PIGK: variants seen among roughly 807,000 people sequenced by gnomAD.
The protein encoded by PIGK is phosphatidylinositol glycan anchor biosynthesis class K.
In PIGK, 42 loss-of-function variants were observed where a neutral mutation model predicts 50.6. The observed-to-expected ratio is 0.83, with a 90% CI of 0.65 to 1.07. The LOEUF (loss-of-function observed/expected upper bound fraction) is 1.07, where lower values mean the gene tolerates loss of function less well. Among genes scored for constraint, PIGK ranks in the 50% least tolerant of loss-of-function variants. PIGK has a pLI of 0.00. For missense variants in PIGK, 448 were observed against 488.7 expected (o/e 0.92, Z 0.78); for synonymous variants, 151 against 156.0 (o/e 0.97, Z 0.24).
chr1:77,150,725 C>A (rs1403897416), intron 9 of PIGK, among the ~76,000 whole-genome samples: 1 of 151,916 alleles, frequency 6.6e-6, no homozygotes, highest in East Asian at 1.9e-4. Flanking sequence ...CAAGTACATG[C>A]CGAAAAAACT....
intron 3 of PIGK, among the ~76,000 whole-genome samples, chr1:77,174,888 G>A (rs781092072): frequency 9.9e-5 from 15 of 151,316 alleles, no homozygotes; most frequent in Non-Finnish European, 2.1e-4. Context: ...CTTAAAAACT[G>A]GCAAATAAAA....
chr1:77,212,884 A>G lies in PIGK; in HGVS notation c.94-2395T>C, dbSNP rs1570267603. Among the ~76,000 whole-genome samples, 3 of 152,276 alleles carry G rather than the reference A, an allele frequency of 2.0e-5. 1 individual carries two copies. The East Asian group carries it at 5.8e-4, about 29-fold the overall frequency. ...TGGGGACTTCAACACTCCACTCTCC[A>G]TTGGACGGATCATCTGGACAGAAAA... On this transcript the variant is annotated intron_variant, in intron 1 of 10. Coordinates refer to ENST00000370812, the MANE Select transcript of PIGK (RefSeq NM_005482.3).
At chr1:77,133,332 T>C (rs2100537111) in intron 9 of PIGK, among the ~76,000 whole-genome samples, 1 of 152,282 alleles carries the variant, frequency 6.6e-6, no homozygotes, top group African/African-American at 2.4e-5. Flanking sequence ...AATATTAGAA[T>C]GTTCATTATT....
intron 10 of PIGK, among the ~76,000 whole-genome samples, chr1:77,100,489 T>C (rs1373342960): frequency 1.3e-5 from 2 of 152,194 alleles, no homozygotes; most frequent in Non-Finnish European, 2.9e-5. Context: ...AAATGCCCTA[T>C]ATAATACCTA....
At chr1:77,214,282 A>G (rs1408154107) in intron 1 of PIGK, among the ~76,000 whole-genome samples, 1 of 152,234 alleles carries the variant, frequency 6.6e-6, no homozygotes, top group Non-Finnish European at 1.5e-5. Flanking sequence ...AAAATCTTCA[A>G]CAAAATACTA....
intron 9 of PIGK, among the ~76,000 whole-genome samples, chr1:77,147,531 C>T (rs1366108937): frequency 6.6e-6 from 1 of 152,138 alleles, no homozygotes. Flanking sequence ...TTTGGTAACA[C>T]TAAAATGTGC....
intron 9 of PIGK, 56 bp downstream of exon 9, chr1:77,154,393 A>C: frequency 7.3e-7 from 1 of 1,368,448 alleles, no homozygotes; most frequent in Non-Finnish European, 1.0e-6. Context: ...TGTTTCAAAA[A>C]AATGTACAAA....
intron 10 of PIGK, among the ~76,000 whole-genome samples, chr1:77,095,477 T>A (rs1056734808): frequency 2.0e-5 from 3 of 152,122 alleles, no homozygotes; most frequent in African/African-American, 4.8e-5. Context: ...AAGATGGCTT[T>A]ATGAGGCAGC....
intron 10 of PIGK, among the ~76,000 whole-genome samples, chr1:77,118,277 G>A (rs1654022587): frequency 6.6e-6 from 1 of 151,940 alleles, no homozygotes; most frequent in South Asian, 2.1e-4. Flanking sequence ...TCACTCTGTT[G>A]CCCAGGCTGG....
chr1:77,212,770 T>C (rs945810154), intron 1 of PIGK, among the ~76,000 whole-genome samples: 1 of 152,182 alleles, frequency 6.6e-6, no homozygotes, highest in Non-Finnish European at 1.5e-5. Flanking sequence ...ATTATAAGTA[T>C]GTATGCACCC....
intron 9 of PIGK, among the ~76,000 whole-genome samples, chr1:77,130,698 T>A (rs1461698169): frequency 6.6e-6 from 1 of 152,178 alleles, no homozygotes; most frequent in Non-Finnish European, 1.5e-5. Flanking sequence ...TGGCTTTGGC[T>A]TTTTCTTCCT....
chr1:77,114,675 T>C (rs1307700303), intron 10 of PIGK, among the ~76,000 whole-genome samples: 1 of 152,152 alleles, frequency 6.6e-6, no homozygotes, highest in African/African-American at 2.4e-5. Flanking sequence ...ATTTATTCCT[T>C]GATAAGTGAC....
chr1:77,105,190 T>C (rs1051191079), intron 10 of PIGK, among the ~76,000 whole-genome samples: 1 of 152,084 alleles, frequency 6.6e-6, no homozygotes, highest in East Asian at 1.9e-4. Context: ...GAAGTCAGGT[T>C]ATCTCTTCTT....
chr1:77,129,459 C>G, intron 9 of PIGK: 1 of 1,453,318 alleles, frequency 6.9e-7, no homozygotes, highest in East Asian at 2.3e-5. Flanking sequence ...GGTCATTGAG[C>G]ATATCCAAGT....
intron 10 of PIGK, among the ~76,000 whole-genome samples, chr1:77,120,692 TG>T (rs1448975588): frequency 2.0e-5 from 3 of 152,196 alleles, no homozygotes; most frequent in Non-Finnish European, 2.9e-5. Context: ...AACAATGACC[TG>T]TCCTGACTAT....
intron 6 of PIGK, among the ~76,000 whole-genome samples, chr1:77,163,046 G>A (rs1655163101): frequency 6.6e-6 from 1 of 152,114 alleles, no homozygotes; most frequent in South Asian, 2.1e-4. Context: ...AATTAAATGA[G>A]ACAATAGATG....
chr1:77,186,067 C>T (rs546349663), intron 3 of PIGK, among the ~76,000 whole-genome samples: 51 of 152,320 alleles, frequency 3.3e-4, no homozygotes, highest in African/African-American at 1.1e-3. Context: ...GTGGCATATA[C>T]GTGATCAGGC....
intron 3 of PIGK, among the ~76,000 whole-genome samples, chr1:77,197,998 G>A (rs2100580680): frequency 6.6e-6 from 1 of 152,172 alleles, no homozygotes; most frequent in Non-Finnish European, 1.5e-5. Flanking sequence ...AAAATAGTTT[G>A]CTGAGTTATC....
chr1:77,134,053 C>A (rs921280504), intron 9 of PIGK, among the ~76,000 whole-genome samples: 2 of 152,300 alleles, frequency 1.3e-5, no homozygotes, highest in African/African-American at 4.8e-5. Context: ...AGTATGAAAG[C>A]AGCCATGATG....
Sources: allele counts gnomAD v4.1 joint callset (sites outside exome capture counted in the v4.1 genomes callset), GRCh38; gene constraint gnomAD v4.1.1; transcripts MANE v1.5; gene names NCBI Gene and HGNC (gene_info 2026-07-23, HGNC 2026-07-21).